Variants in CCNT1 observed in about 807,000 individuals in gnomAD.
The protein encoded by CCNT1 is cyclin T1, also known as cyclin-T1.
In CCNT1, 18 loss-of-function variants were observed where a neutral mutation model predicts 67.3. The observed-to-expected ratio is 0.27, with a 90% CI of 0.18 to 0.40. The LOEUF (loss-of-function observed/expected upper bound fraction) is 0.40, where lower values mean the gene tolerates loss of function less well. Ranked by LOEUF, CCNT1 falls within the 10% of genes least tolerant of loss-of-function variation. The pLI is 1.00. For synonymous variants in CCNT1, 333 were observed against 310.3 expected, an observed-to-expected ratio of 1.07 and a Z score of -0.77; for missense variants, 744 against 884.9, an observed-to-expected ratio of 0.84 and a Z score of 2.02.
intron 3 of CCNT1, among the ~76,000 whole-genome samples, chr12:48,702,531 T>A (rs1178963309): frequency 1.3e-5 from 2 of 152,218 alleles, no homozygotes; most frequent in Admixed American, 1.3e-4. Flanking sequence ...ACGCCAGTAA[T>A]CCCAGCACTT....
intron 3 of CCNT1, among the ~76,000 whole-genome samples, chr12:48,704,606 C>A (rs752958144): frequency 6.6e-6 from 1 of 152,112 alleles, no homozygotes; most frequent in Non-Finnish European, 1.5e-5. Context: ...GTCAAGAGAT[C>A]GAGACCATTC....
intron 2 of CCNT1, among the ~76,000 whole-genome samples, chr12:48,709,858 ACC>A (rs1940421380): frequency 6.6e-6 from 1 of 151,684 alleles, no homozygotes; most frequent in Admixed American, 6.6e-5. Flanking sequence ...CTTAATTTTT[ACC>A]ATGGGAATTT....
At chr12:48,695,382 T>C (rs1332693633) in intron 8 of CCNT1, among the ~76,000 whole-genome samples, 1 of 152,196 alleles carries the variant, frequency 6.6e-6, no homozygotes, top group African/African-American at 2.4e-5. Flanking sequence ...ATTTTAAAAG[T>C]AGGTAATGTC....
In CCNT1 at chr12:48,690,770, A is replaced by C. The variant is rs1485649511; in HGVS notation, c.*2263T>G. ...CCATGGATAACTGCTATGAGGCCAA[A>C]TGATTATGTGCCTCTGTGGTAAAGG... is the stretch of plus-strand genomic sequence containing the variant. On this transcript the variant is annotated 3_prime_UTR_variant, in exon 9 of 9. Transcript: ENST00000261900. 2 of 152,236 alleles carry C rather than the reference A, an allele frequency of 1.3e-5. No individual in the cohort carries two copies. 9.4% of individuals were successfully genotyped at this position (152,236 alleles called of 1,614,324 possible).
rs768494518 is a variant in CCNT1, at chr12:48,694,055, C to T, written c.1159G>A (p.Val387Met). 2.2e-5 allele frequency: 35 copies of T among 1,614,224 alleles called. No homozygotes were observed. The highest frequency in any genetic ancestry group is 2.8e-5 in the Non-Finnish European group (33 of 1,180,040). The change falls in exon 9 of 9, where the codon GTG (valine) becomes ATG (methionine). Residue 387 changes from valine (V) to methionine (M), a missense_variant. Physicochemically the swap from Val to Met is conservative, Grantham distance 21 (BLOSUM62 1). This residue lies in a region of CCNT1 where 564 missense variants were observed against 574.2 expected (regional missense o/e 0.98). Transcript: ENST00000261900. ...QNSKSVPSAKVSLKEYRAKHA... is the reference protein window; with the variant it reads ...QNSKSVPSAKMSLKEYRAKHA... ...TTCGCGCGGTATTCTTTCAGTGACACTTTAGCTGATGGCACACTCTTACTA... is the reference window on the plus strand; with the variant it reads ...TTCGCGCGGTATTCTTTCAGTGACATTTTAGCTGATGGCACACTCTTACTA...
intron 3 of CCNT1, among the ~76,000 whole-genome samples, chr12:48,703,510 T>C (rs1592122600): frequency 7.0e-6 from 1 of 143,592 alleles, no homozygotes; most frequent in Non-Finnish European, 1.5e-5. Context: ...GAGGGGGAGG[T>C]TGCGGTTGGC....
Position 48,716,558 on chromosome 12 carries a change from G to A in CCNT1, c.118C>T (p.Gln40Ter). 6.2e-7 allele frequency: 1 copy of A among 1,614,254 alleles called. No individual in the cohort carries two copies. The highest frequency in any genetic ancestry group is 8.5e-7 in the Non-Finnish European group (1 of 1,180,040). ...ATGTCCTGAAGCAGATTGGCCGCCT[G>A]CTGGCGATAAGAAAGTTCTTTATCT... ...DPDKELSYRQ[Q>*]AANLLQDMGQ... Residue 40 changes from glutamine to a stop codon, truncating the protein, a stop_gained, in exon 1 of 9, where the codon CAG (glutamine) becomes TAG (stop). Coordinates refer to ENST00000261900, the MANE Select transcript of CCNT1 (RefSeq NM_001240.4). LOFTEE classifies it high-confidence loss of function.
chr12:48,705,490 C>A (rs1458592974), intron 3 of CCNT1: 1 of 310,996 alleles, frequency 3.2e-6, no homozygotes. Flanking sequence ...CCAGGTTGGT[C>A]TTAAACTTCT....
intron 3 of CCNT1, among the ~76,000 whole-genome samples, chr12:48,704,647 AAAAATAC>A (rs1940326637): frequency 6.6e-6 from 1 of 152,182 alleles, no homozygotes; most frequent in Non-Finnish European, 1.5e-5. Context: ...TGTCTCTGCT[AAAAATAC>A]AAAAATTAGC....
intron 2 of CCNT1, among the ~76,000 whole-genome samples, chr12:48,711,110 G>A (rs145921074): frequency 7.9e-5 from 12 of 151,680 alleles, no homozygotes; most frequent in African/African-American, 2.4e-4. Flanking sequence ...GGCTGGACGC[G>A]GTGGCTCACA....
intron 2 of CCNT1, 109 bp downstream of exon 2, chr12:48,714,334 A>G (rs1009403130): frequency 1.0e-5 from 7 of 681,162 alleles, no homozygotes; most frequent in African/African-American, 9.0e-5. Context: ...GATCAACCCT[A>G]AATTCTAAAG....
chr12:48,705,743 A>G, intron 3 of CCNT1, 25 bp downstream of exon 3: 1 of 1,587,982 alleles, frequency 6.3e-7, no homozygotes, highest in Non-Finnish European at 8.5e-7. Context: ...AATTAAGAAA[A>G]ACAGATGTGT....
intron 8 of CCNT1, among the ~76,000 whole-genome samples, chr12:48,695,478 ATG>A (rs1940155826): frequency 6.6e-6 from 1 of 152,194 alleles, no homozygotes; most frequent in Admixed American, 6.5e-5. Flanking sequence ...CCGAGAAGCC[ATG>A]TTTTTTCCCT....
chr12:48,695,423 T>C (rs936690493), intron 8 of CCNT1, among the ~76,000 whole-genome samples: 8 of 152,194 alleles, frequency 5.3e-5, no homozygotes, highest in African/African-American at 1.9e-4. Flanking sequence ...GGCTCTAACC[T>C]TGTAATTCTC....
In CCNT1 at chr12:48,692,187, T is replaced by C. The variant is rs1184240918; in HGVS notation, c.*846A>G. On this transcript the variant is annotated 3_prime_UTR_variant, in exon 9 of 9. Transcript: ENST00000261900. ...GGGTGTTGGCTGTACTTGCCCAAAC[T>C]ACAAATTAGAGGGCTACTACTCAAT... 1 of 152,150 alleles carries C rather than the reference T, an allele frequency of 6.6e-6. No individual in the cohort carries two copies. Among genetic ancestry groups the C allele is most frequent in the African/African-American group, 2.4e-5 (1 of 41,432 alleles). The allele number at this position is 152,150 out of a possible 1,614,324, so 9.4% of individuals were successfully genotyped here.
chr12:48,706,531 C>G (rs1940363222), intron 2 of CCNT1, among the ~76,000 whole-genome samples: 1 of 151,980 alleles, frequency 6.6e-6, no homozygotes, highest in Non-Finnish European at 1.5e-5. Context: ...TTATAGAAAG[C>G]ATTAAGAGGG....
chr12:48,706,258 G>A (rs1940358891), intron 2 of CCNT1, among the ~76,000 whole-genome samples: 1 of 152,176 alleles, frequency 6.6e-6, no homozygotes. Context: ...AATCCATATA[G>A]AGAAAAAGTT....
At chr12:48,699,746 T>C in intron 5 of CCNT1, 32 bp downstream of exon 5, 1 of 1,471,114 alleles carries the variant, frequency 6.8e-7, no homozygotes, top group Non-Finnish European at 9.5e-7. Flanking sequence ...GAAAACAGCT[T>C]GAGATAGTCT....
chr12:48,697,224 A>G (rs750461347), intron 6 of CCNT1, among the ~76,000 whole-genome samples: 5 of 152,264 alleles, frequency 3.3e-5, no homozygotes, highest in African/African-American at 4.8e-5. Flanking sequence ...GGAATATTTT[A>G]AAATATAATT....
Sources: allele counts gnomAD v4.1 joint callset (sites outside exome capture counted in the v4.1 genomes callset), GRCh38; gene constraint gnomAD v4.1.1; regional missense constraint gnomAD v4.1.1; transcripts MANE v1.5; gene names NCBI Gene and HGNC (gene_info 2026-07-23, HGNC 2026-07-21).